Variants in COL21A1 observed in about 807,000 individuals in gnomAD.
COL21A1 encodes the protein collagen alpha-1(XXI) chain.
Under a neutral mutation model 137.9 loss-of-function variants are expected in COL21A1, and 149 were observed. The ratio of observed to expected loss-of-function variants is 1.08; its 90% CI spans 0.95 to 1.24. The LOEUF (loss-of-function observed/expected upper bound fraction) is 1.24. Among genes scored for constraint, COL21A1 ranks in the 50% most tolerant of loss-of-function variants. COL21A1 has a pLI of 0.00. For synonymous variants in COL21A1, 456 were observed against 391.5 expected (o/e 1.16, Z -1.95); for missense variants, 1,167 against 1,158.4 (o/e 1.01, Z -0.11).
At position 56,168,181 on chromosome 6, in the gene COL21A1, G is replaced by A. The variant is rs1284822102; in HGVS notation, c.1143C>T (p.Ile381=). 1.9e-6 allele frequency: 3 copies of A among 1,553,258 alleles called. No individual in the cohort carries two copies. The highest frequency in any genetic ancestry group is 2.6e-6 in the Non-Finnish European group (3 of 1,146,016). The change falls in exon 6 of 30, where the codon ATC becomes ATT. Residue 381 remains isoleucine (I), a synonymous_variant. Transcript: ENST00000244728. ...ENKPLHPVLG[I]LINGQTQIGK... is the part of the protein sequence containing the mutation. ...CAATTTGGGTTTGCCCATTGATCAAGATCCCTAAAACTGGATGTAAGGGCT... is the reference window on the plus strand; with the variant it reads ...CAATTTGGGTTTGCCCATTGATCAAAATCCCTAAAACTGGATGTAAGGGCT...
At chr6:56,293,024 C>T (rs918661920) in intron 1 of COL21A1, among the ~76,000 whole-genome samples, 1 of 152,160 alleles carries the variant, frequency 6.6e-6, no homozygotes, top group African/African-American at 2.4e-5. Context: ...TAGCTCATAT[C>T]AAAGTGCAAA....
intron 2 of COL21A1, 98 bp downstream of exon 2, chr6:56,182,433 T>G (rs1008487227): frequency 2.7e-6 from 2 of 752,952 alleles, no homozygotes; most frequent in Non-Finnish European, 4.5e-6. Flanking sequence ...TCAAAGACAG[T>G]AAGAATGAGA....
intron 1 of COL21A1, among the ~76,000 whole-genome samples, chr6:56,233,366 C>G (rs1278648674): frequency 6.6e-6 from 1 of 151,790 alleles, no homozygotes; most frequent in Non-Finnish European, 1.5e-5. Context: ...AATACATTAA[C>G]AGCCATAGAA....
chr6:56,247,948 C>T (rs769013428), upstream of COL21A1, among the ~76,000 whole-genome samples: 14 of 152,218 alleles, frequency 9.2e-5, no homozygotes, highest in Admixed American at 3.9e-4. Context: ...GAAGAACCCC[C>T]CTCTGGGGCG....
At chr6:56,268,016 A>T (rs2152331879) in intron 1 of COL21A1, among the ~76,000 whole-genome samples, 1 of 152,224 alleles carries the variant, frequency 6.6e-6, no homozygotes, top group South Asian at 2.1e-4. Flanking sequence ...CCCCAGCACA[A>T]CTGGAGCTAG....
chr6:56,266,155 G>A (rs966115594), intron 1 of COL21A1, among the ~76,000 whole-genome samples: 1 of 152,154 alleles, frequency 6.6e-6, no homozygotes, highest in Admixed American at 6.5e-5. Context: ...GTGAATTAGT[G>A]TTATCTTAGG....
chr6:56,081,227 T>C (rs553063511), intron 17 of COL21A1, among the ~76,000 whole-genome samples: 2 of 151,882 alleles, frequency 1.3e-5, no homozygotes, highest in African/African-American at 4.8e-5. Flanking sequence ...CTTTCTCCAT[T>C]GTAAGGCTTT....
intron 16 of COL21A1, among the ~76,000 whole-genome samples, chr6:56,121,836 A>T (rs1010572214): frequency 1.1e-4 from 16 of 152,018 alleles, no homozygotes; most frequent in African/African-American, 3.9e-4. Context: ...AAACAAAAAA[A>T]GTAAATAGCT....
At chr6:56,278,333 C>T (rs1763715705) in intron 1 of COL21A1, among the ~76,000 whole-genome samples, 1 of 152,172 alleles carries the variant, frequency 6.6e-6, no homozygotes, top group Admixed American at 6.5e-5. Context: ...CCAGCTGACA[C>T]ATCCCTGTGT....
chr6:56,370,637 G>A (rs541951132), intron 1 of COL21A1, among the ~76,000 whole-genome samples: 22 of 152,328 alleles, frequency 1.4e-4, no homozygotes, highest in East Asian at 7.7e-4. Flanking sequence ...ATCACAAGGC[G>A]AAAGCATAAA....
chr6:56,316,241 C>T (rs1764731148), intron 1 of COL21A1, among the ~76,000 whole-genome samples: 1 of 152,106 alleles, frequency 6.6e-6, no homozygotes, highest in Admixed American at 6.6e-5. Flanking sequence ...AATCTACTCT[C>T]TTGGCAATTT....
chr6:56,283,087 TTAAG>T (rs1328634192), intron 1 of COL21A1, among the ~76,000 whole-genome samples: 5 of 152,160 alleles, frequency 3.3e-5, no homozygotes, highest in Admixed American at 6.5e-5. Flanking sequence ...CAAAAAAATT[TTAAG>T]TAACTTAGCA....
At chr6:56,317,902 C>T (rs1007463397) in intron 1 of COL21A1, among the ~76,000 whole-genome samples, 7 of 152,126 alleles carry the variant, frequency 4.6e-5, no homozygotes, top group African/African-American at 1.7e-4. Flanking sequence ...AGTCTATTTA[C>T]AATTTTTAAG....
intron 1 of COL21A1, among the ~76,000 whole-genome samples, chr6:56,223,705 T>C (rs184910955): frequency 1.7e-4 from 26 of 152,268 alleles, no homozygotes; most frequent in Non-Finnish European, 1.6e-4. Flanking sequence ...GCATTCATGG[T>C]AAACTACCTT....
At chr6:56,352,035 G>A (rs1437953508) in intron 1 of COL21A1, among the ~76,000 whole-genome samples, 1 of 152,142 alleles carries the variant, frequency 6.6e-6, no homozygotes, top group Admixed American at 6.5e-5. Flanking sequence ...TCAGGAGGCT[G>A]AGGCAGAAAG....
chr6:56,261,908 C>A (rs1233961707), intron 1 of COL21A1, among the ~76,000 whole-genome samples: 2 of 152,136 alleles, frequency 1.3e-5, no homozygotes, highest in African/African-American at 4.8e-5. Flanking sequence ...AGAATATGGA[C>A]CTTACCTGCC....
At chr6:56,332,674 A>G (rs559572230) in intron 1 of COL21A1, among the ~76,000 whole-genome samples, 3 of 151,092 alleles carry the variant, frequency 2.0e-5, no homozygotes, top group African/African-American at 7.3e-5. Context: ...CATTTTCAAC[A>G]CTAGGTTATA....
chr6:56,263,285 T>C (rs1268748149), intron 1 of COL21A1, among the ~76,000 whole-genome samples: 2 of 152,202 alleles, frequency 1.3e-5, no homozygotes, highest in African/African-American at 2.4e-5. Flanking sequence ...AGAGGTTCCA[T>C]TTTATTAGGA....
intron 1 of COL21A1, among the ~76,000 whole-genome samples, chr6:56,294,016 C>T (rs986444563): frequency 4.6e-5 from 7 of 152,002 alleles, no homozygotes; most frequent in African/African-American, 1.7e-4. Flanking sequence ...GTGAGTCAAA[C>T]GTAATTAAAA....
Sources: allele counts gnomAD v4.1 joint callset (sites outside exome capture counted in the v4.1 genomes callset), GRCh38; gene constraint gnomAD v4.1.1; transcripts MANE v1.5; gene names NCBI Gene and HGNC (gene_info 2026-07-23, HGNC 2026-07-21).